Variants in MUC17 observed in about 807,000 individuals in gnomAD.
MUC17 encodes mucin-17.
Under a neutral mutation model 170.3 loss-of-function variants are expected in MUC17, and 190 were observed. The observed-to-expected ratio is 1.12, with a 90% CI of 0.99 to 1.26. MUC17 has a LOEUF of 1.26. MUC17 is among the 50% of genes most tolerant of loss of function. The pLI, the probability that MUC17 is intolerant of heterozygous loss-of-function variation, is 0.00. For missense variants in MUC17, 6,415 were observed against 5,530.0 expected (o/e 1.16, Z -5.08); for synonymous variants, 2,325 against 2,002.5 (o/e 1.16, Z -4.30).
intron 9 of MUC17, 36 bp from the exon 10 acceptor site, chr7:101,052,950 C>G (rs1400856123): frequency 6.3e-7 from 1 of 1,594,542 alleles, no homozygotes; most frequent in East Asian, 2.2e-5. Context: ...TGACTCCGTT[C>G]TCTCTCCCCA....
Position 101,026,946 on chromosome 7 carries a change from C to T in MUC17, c.83-4174C>T, listed in dbSNP as rs531865353. ...TCTGAGGCTGGTCTCAAACTCATGG[C>T]CTCAAGCAACCCTCCCCACTTGGCT... On this transcript the variant is annotated intron_variant, in intron 1 of 12. Coordinates refer to ENST00000306151, the MANE Select transcript of MUC17 (RefSeq NM_001040105.2). Among the ~76,000 whole-genome samples the T allele has an allele frequency of 2.0e-5, 3 of 151,822 alleles. No individual in the cohort carries two copies. The East Asian group carries it at 5.8e-4, about 29-fold the overall frequency.
At position 101,038,446 on chromosome 7, in the gene MUC17, C is replaced by T. The variant is rs371708760; in HGVS notation, c.7030C>T (p.Pro2344Ser). The T allele has an allele frequency of 8.5e-5, 136 of 1,604,692 alleles. No individual in the cohort carries two copies. Among genetic ancestry groups the T allele is most frequent in the Non-Finnish European group, 1.1e-4 (133 of 1,174,416 alleles). The change falls in exon 3 of 13, where the codon CCT (proline) becomes TCT (serine). Residue 2344 changes from proline (P) to serine (S), a missense_variant. Transcript: ENST00000306151. Reference protein sequence around the residue: ...SEGNTPLTRMPVSTTMVASFE... With the variant: ...SEGNTPLTRMSVSTTMVASFE... ...AGGAAACACTCCATTAACACGTATG[C>T]CTGTCAGCACCACAATGGTGGCCAG...
Position 101,036,106 on chromosome 7 carries a change from C to G in MUC17, c.4690C>G (p.Gln1564Glu), listed in dbSNP as rs748433173. 1.9e-6 allele frequency: 3 copies of G among 1,612,034 alleles called. No individual in the cohort carries two copies. Among genetic ancestry groups the G allele is most frequent in the South Asian group, 1.1e-5 (1 of 90,950 alleles). The part of the protein sequence containing the change: ...SPTTADGTSM[Q>E]TSTYSEGSTP... ...TACAACTGCTGACGGTACCAGCATG[C>G]AAACCTCAACTTATAGTGAAGGAAG... is the stretch of plus-strand genomic sequence containing the variant. Residue 1564 changes from glutamine to glutamate, a missense_variant, in exon 3 of 13, where the codon CAA (glutamine) becomes GAA (glutamate). By Grantham distance (29) the Gln-to-Glu change is conservative. Transcript: ENST00000306151.
In MUC17 at chr7:101,034,039, A is replaced by T. The variant is rs530937973; in HGVS notation, c.2623A>T (p.Thr875Ser). The change falls in exon 3 of 13, where the codon ACA becomes TCA. Residue 875 changes from threonine to serine, a missense_variant. Physicochemically the swap from Thr to Ser is moderately conservative, Grantham distance 58 (BLOSUM62 1). Transcript: ENST00000306151. Reference protein sequence around the residue: ...TPLTSMPVSTTLVATSAISTL... With the variant: ...TPLTSMPVSTSLVATSAISTL... ...TTTAACAAGTATGCCTGTCAGCACC[A>T]CACTGGTGGCCACTTCTGCAATCAG... 6.2e-7 allele frequency: 1 copy of T among 1,601,748 alleles called. No homozygotes were observed. Among genetic ancestry groups the T allele is most frequent in the East Asian group, 2.3e-5 (1 of 44,176 alleles).
In MUC17 at chr7:101,033,686, C is replaced by A; in HGVS notation, c.2270C>A (p.Thr757Lys). ...TPLTSMPVSK[T>K]LLTSSEASTL... ...TTAACAAGTATGCCTGTCAGCAAAACGCTGTTGACCAGTTCTGAGGCTAGC... is the reference window on the plus strand; with the variant it reads ...TTAACAAGTATGCCTGTCAGCAAAAAGCTGTTGACCAGTTCTGAGGCTAGC... Residue 757 changes from threonine to lysine, a missense_variant, in exon 3 of 13, where the codon ACG becomes AAG. Thr to Lys is a moderately conservative substitution (Grantham distance 78). Coordinates refer to ENST00000306151, the MANE Select transcript of MUC17 (RefSeq NM_001040105.2). 1 of 1,613,428 alleles carries A rather than the reference C, an allele frequency of 6.2e-7. No individual in the cohort carries two copies. The highest frequency in any genetic ancestry group is 1.1e-5 in the South Asian group (1 of 91,048).
rs141631949 is a variant in MUC17 at position 101,053,058 on chromosome 7, C to T, written c.13176C>T (p.Tyr4392=). ...AGGGCACCCAGAAGAGTCTGGTGTA[C>T]GGCCTCGTGGGGGCAGGGGTCGTGC... The part of the protein sequence containing the change: ...CNQGTQKSLV[Y]GLVGAGVVLM... The change falls in exon 10 of 13, where the codon TAC becomes TAT. Residue 4392 remains tyrosine, a synonymous_variant. Coordinates refer to ENST00000306151, the MANE Select transcript of MUC17 (RefSeq NM_001040105.2). 7.3e-4 allele frequency: 1,182 copies of T among 1,614,130 alleles called. 8 individuals carry two copies. The African/African-American group carries it at 0.014, about 19-fold the overall frequency.
At position 101,034,205 on chromosome 7, in the gene MUC17, C is replaced by T. The variant is rs534965755; in HGVS notation, c.2789C>T (p.Pro930Leu). ...GEGSTPLTSM[P>L]DSTTPVVSSE... ...GGAAGCACTCCATTAACAAGTATGC[C>T]TGACAGCACCACGCCGGTAGTCAGT... is the stretch of plus-strand genomic sequence containing the variant. The change falls in exon 3 of 13, where the codon CCT (proline) becomes CTT (leucine). Residue 930 changes from proline to leucine, a missense_variant. Physicochemically the swap from Pro to Leu is moderately conservative, Grantham distance 98. Coordinates refer to ENST00000306151, the MANE Select transcript of MUC17 (RefSeq NM_001040105.2). 1.2e-6 allele frequency: 2 copies of T among 1,600,378 alleles called. No individual in the cohort carries two copies. Among genetic ancestry groups the T allele is most frequent in the Non-Finnish European group, 8.5e-7 (1 of 1,173,214 alleles).
At chr7:101,050,358 C>A in intron 6 of MUC17, 126 bp from the exon 7 acceptor site, 1 of 1,371,876 alleles carries the variant, frequency 7.3e-7, no homozygotes, top group Non-Finnish European at 9.9e-7. Flanking sequence ...ACAGAGTCAT[C>A]ACCCCAACTG....
chr7:101,039,123 T>C lies in MUC17; in HGVS notation c.7707T>C (p.Tyr2569=). ...GTACCAGCATGCCTACCTCAACTTATAGTGAAGGAAGCACTCCATTAAGAA... is the reference window on the plus strand; with the variant it reads ...GTACCAGCATGCCTACCTCAACTTACAGTGAAGGAAGCACTCCATTAAGAA... ...AEGTSMPTST[Y]SEGSTPLRSM... Residue 2569 remains tyrosine (Y), a synonymous_variant, in exon 3 of 13, where the codon TAT becomes TAC. Coordinates refer to ENST00000306151, the MANE Select transcript of MUC17 (RefSeq NM_001040105.2). 7 of 1,613,592 alleles carry C rather than the reference T, an allele frequency of 4.3e-6. No homozygotes were observed. The highest frequency in any genetic ancestry group is 1.1e-5 in the South Asian group (1 of 91,052).
chr7:101,051,962 T>A lies in MUC17; in HGVS notation c.13103T>A (p.Leu4368His). The A allele has an allele frequency of 2.5e-6, 4 of 1,610,974 alleles. 1 individual carries two copies. In the South Asian group the frequency reaches 4.4e-5, roughly 18 times the overall value. ...ATGTCTCTAAGTGGACCTCAGTGCC[T>A]GTGAGTGCTCCCCCATCTCCTCCAG... ...CQMSLSGPQC[L>H]CVTTETHWYS... is the part of the protein sequence containing the mutation. The change falls in exon 9 of 13, where the codon CTC (leucine) becomes CAC (histidine). Residue 4368 changes from leucine (L) to histidine (H), a missense_variant and splice_region_variant. Coordinates refer to ENST00000306151, the MANE Select transcript of MUC17 (RefSeq NM_001040105.2).
Position 101,042,946 on chromosome 7 carries a change from A to T in MUC17, c.11530A>T (p.Thr3844Ser), listed in dbSNP as rs1458861222. The T allele has an allele frequency of 6.2e-7, 1 of 1,614,114 alleles. No homozygotes were observed. The highest frequency in any genetic ancestry group is 8.5e-7 in the Non-Finnish European group (1 of 1,180,016). The change falls in exon 3 of 13, where the codon ACA (threonine) becomes TCA (serine). Residue 3844 changes from threonine (T) to serine (S), a missense_variant. Coordinates refer to ENST00000306151, the MANE Select transcript of MUC17 (RefSeq NM_001040105.2). The part of the protein sequence containing the change: ...TLSTPPGDTS[T>S]PLLTSTKAGS... ...TTCAACACCTCCTGGTGATACCAGC[A>T]CACCTTTGCTCACCTCTACCAAAGC...
rs928802537 is a variant in MUC17 at position 101,055,256 on chromosome 7, TA to T, written c.13364-929del. 2.6e-3 allele frequency among the ~76,000 whole-genome samples: 393 copies of T among 151,220 alleles called. 1 individual carries two copies. The highest frequency in any genetic ancestry group is 8.5e-3 in the African/African-American group (352 of 41,230). ...AACTCTAGTTTAAAAAGGATTTTTT[TA>T]AAAAAAAATCTAGGTATCCACTGTC... On this transcript the variant is annotated intron_variant, in intron 11 of 12. Coordinates refer to ENST00000306151, the MANE Select transcript of MUC17 (RefSeq NM_001040105.2).
Position 101,039,858 on chromosome 7 carries a change from T to C in MUC17, c.8442T>C (p.Ser2814=), listed in dbSNP as rs776340599. ...TPSETSTPLT[S]MPVNHTPVAS... is the part of the protein sequence containing the mutation. ...GTGAAACAAGTACTCCATTAACTAG[T>C]ATGCCTGTCAACCACACGCCAGTGG... Residue 2814 remains serine, a synonymous_variant, in exon 3 of 13, where the codon AGT becomes AGC. Coordinates refer to ENST00000306151, the MANE Select transcript of MUC17 (RefSeq NM_001040105.2). 1.2e-6 allele frequency: 2 copies of C among 1,611,892 alleles called. No individual in the cohort carries two copies. The highest frequency in any genetic ancestry group is 2.2e-5 in the South Asian group (2 of 90,982).
At position 101,032,126 on chromosome 7, in the gene MUC17, T is replaced by G. The variant is rs905712151; in HGVS notation, c.710T>G (p.Leu237Trp). 6.2e-7 allele frequency: 1 copy of G among 1,607,388 alleles called. No homozygotes were observed. The highest frequency in any genetic ancestry group is 8.5e-7 in the Non-Finnish European group (1 of 1,177,754). ...GCCAGTTCAGAGGCTATCACCCTTT[T>G]GACAACTCCTGTTGAAATCAGCACA... ...KVASSEAITLLTTPVEISTPV... is the reference protein window; with the variant it reads ...KVASSEAITLWTTPVEISTPV... The change falls in exon 3 of 13, where the codon TTG becomes TGG. Residue 237 changes from leucine to tryptophan, a missense_variant. By Grantham distance (61) the Leu-to-Trp change is moderately conservative. Transcript: ENST00000306151.
Position 101,037,046 on chromosome 7 carries a change from C to T in MUC17, c.5630C>T (p.Thr1877Ile), listed in dbSNP as rs542362576. 2.5e-6 allele frequency: 4 copies of T among 1,582,506 alleles called. No individual in the cohort carries two copies. In the South Asian group the frequency reaches 3.7e-5, roughly 15 times the overall value. Residue 1877 changes from threonine (T) to isoleucine (I), a missense_variant, in exon 3 of 13, where the codon ACA becomes ATA. Physicochemically the swap from Thr to Ile is moderately conservative, Grantham distance 89. Coordinates refer to ENST00000306151, the MANE Select transcript of MUC17 (RefSeq NM_001040105.2). ...TALTSIPVST[T>I]TVASSETNTL... ...TTAACAAGTATACCTGTCAGCACCA[C>T]AACAGTGGCCAGTTCTGAAACCAAC...
rs779407976 is a variant in MUC17 at position 101,037,319 on chromosome 7, C to G, written c.5903C>G (p.Thr1968Arg). The change falls in exon 3 of 13, where the codon ACA becomes AGA. Residue 1968 changes from threonine to arginine, a missense_variant. By Grantham distance (71) the Thr-to-Arg change is moderately conservative. Coordinates refer to ENST00000306151, the MANE Select transcript of MUC17 (RefSeq NM_001040105.2). ...TTYSQASSSPTTADGTSMPTP... is the reference protein window; with the variant it reads ...TTYSQASSSPRTADGTSMPTP... Reference sequence around the variant, plus strand: ...TATTCTCAAGCCAGTTCATCTCCTACAACTGCTGATGGTACCAGCATGCCA... The same window carrying G: ...TATTCTCAAGCCAGTTCATCTCCTAGAACTGCTGATGGTACCAGCATGCCA... The G allele has an allele frequency of 6.2e-7, 1 of 1,614,088 alleles. No homozygotes were observed. Among genetic ancestry groups the G allele is most frequent in the South Asian group, 1.1e-5 (1 of 91,074 alleles).
In MUC17 at chr7:101,039,430, T is replaced by A. The variant is rs1042913755; in HGVS notation, c.8014T>A (p.Ser2672Thr). The A allele has an allele frequency of 6.8e-6, 11 of 1,612,126 alleles. 1 individual carries two copies. In the Admixed American group the frequency reaches 1.7e-4, roughly 25 times the overall value. Residue 2672 changes from serine to threonine, a missense_variant, in exon 3 of 13, where the codon TCA becomes ACA. Coordinates refer to ENST00000306151, the MANE Select transcript of MUC17 (RefSeq NM_001040105.2). ...TGTGACCACTTCCACTGGAACCAGT[T>A]CATCTCCTACAACTGCTGAAGGTAG... ...TLVTTSTGTS[S>T]SPTTAEGSSM... is the part of the protein sequence containing the mutation.
intron 1 of MUC17, 56 bp downstream of exon 1, chr7:101,020,273 G>T: frequency 6.8e-7 from 1 of 1,478,602 alleles, no homozygotes; most frequent in Admixed American, 1.9e-5. Context: ...GGGCCAGCCT[G>T]CTCTGTCTGC....
intron 3 of MUC17, among the ~76,000 whole-genome samples, chr7:101,045,069 G>C (rs1425642818): frequency 2.6e-5 from 4 of 152,010 alleles, no homozygotes; most frequent in African/African-American, 9.7e-5. Flanking sequence ...TTCAATACCT[G>C]CTATTATAAT....
Sources: gnomAD v4.1 joint callset for allele counts (sites outside exome capture counted in the v4.1 genomes callset) on GRCh38, gnomAD v4.1.1 for gene constraint, MANE v1.5 for transcripts, NCBI Gene and HGNC (gene_info 2026-07-23, HGNC 2026-07-21) for gene names.